The following GIPC2 variants were observed in gnomAD, a reference collection of about 807,000 sequenced individuals.
The protein encoded by GIPC2 is PDZ domain-containing protein GIPC2.
GIPC2 carries 30 observed loss-of-function variants against 30.6 expected under a neutral mutation model. The ratio of observed to expected loss-of-function variants is 0.98; its 90% CI spans 0.73 to 1.33. The LOEUF (loss-of-function observed/expected upper bound fraction) is 1.33. Among genes scored for constraint, GIPC2 ranks in the 40% most tolerant of loss-of-function variants. GIPC2 has a pLI of 0.00. For synonymous variants in GIPC2, 167 were observed against 150.0 expected (o/e 1.11, Z -0.83); for missense variants, 414 against 390.3 (o/e 1.06, Z -0.51).
At chr1:78,103,347 G>A (rs889301592) in intron 3 of GIPC2, among the ~76,000 whole-genome samples, 60 of 152,196 alleles carry the variant, frequency 3.9e-4, no homozygotes, top group Admixed American at 3.3e-3. Flanking sequence ...CTTTTAAACT[G>A]TGTGATTTGG....
upstream of GIPC2, chr1:78,045,954 C>T: frequency 7.3e-7 from 1 of 1,370,824 alleles, no homozygotes; most frequent in African/African-American, 1.5e-5. Flanking sequence ...GGGGCCCTGA[C>T]CCGACGCAGC....
intron 5 of GIPC2, among the ~76,000 whole-genome samples, chr1:78,133,691 T>C (rs962155601): frequency 2.0e-5 from 3 of 151,818 alleles, no homozygotes; most frequent in African/African-American, 7.3e-5. Flanking sequence ...TTCTGTAGAT[T>C]AGACTGCCAC....
intron 3 of GIPC2, among the ~76,000 whole-genome samples, chr1:78,110,763 C>G (rs761923164): frequency 1.1e-3 from 175 of 152,194 alleles, no homozygotes; most frequent in Non-Finnish European, 2.1e-3. Flanking sequence ...GCTGTCTTTA[C>G]CTGTGATGGT....
At chr1:78,046,761 G>A (rs1413527777) in intron 1 of GIPC2, among the ~76,000 whole-genome samples, 1 of 152,082 alleles carries the variant, frequency 6.6e-6, no homozygotes, top group African/African-American at 2.4e-5. Context: ...AGTCACGCAG[G>A]TCATCTCCCT....
At chr1:78,081,176 G>T (rs1046296346) in intron 2 of GIPC2, among the ~76,000 whole-genome samples, 4 of 134,176 alleles carry the variant, frequency 3.0e-5, no homozygotes, top group African/African-American at 1.1e-4. Context: ...TGAATTTCTG[G>T]CTTATTTCCA....
At chr1:78,087,329 A>G (rs559640914) in intron 2 of GIPC2, among the ~76,000 whole-genome samples, 1 of 152,316 alleles carries the variant, frequency 6.6e-6, no homozygotes, top group African/African-American at 2.4e-5. Context: ...GAGGCATCAT[A>G]TTACCCGACT....
chr1:78,054,548 T>C (rs1340086513), intron 1 of GIPC2, among the ~76,000 whole-genome samples: 1 of 152,244 alleles, frequency 6.6e-6, no homozygotes, highest in Non-Finnish European at 1.5e-5. Context: ...ATTCATTCTC[T>C]GTATTTTCTT....
chr1:78,128,067 T>A (rs1241594342), intron 5 of GIPC2, among the ~76,000 whole-genome samples: 2 of 152,230 alleles, frequency 1.3e-5, no homozygotes, highest in African/African-American at 4.8e-5. Flanking sequence ...TGGTAGTTTG[T>A]TCCTTGCTCC....
chr1:78,096,815 TG>T lies in GIPC2; in HGVS notation c.607+1685del, dbSNP rs543922871. On this transcript the variant is annotated intron_variant, in intron 3 of 5. Coordinates refer to ENST00000370759, the MANE Select transcript of GIPC2 (RefSeq NM_017655.6). The stretch of plus-strand genomic sequence containing the variant: ...TATATTATTTGAGCATCCTGAATTC[TG>T]GTAGGGCTGTTGGTTAGAACATCCA... Among the ~76,000 whole-genome samples, 36 of 152,330 alleles carry T rather than the reference TG, an allele frequency of 2.4e-4. 1 individual carries two copies. In the South Asian group the frequency reaches 7.0e-3, roughly 30 times the overall value.
Position 78,080,655 on chromosome 1 carries a change from C to T in GIPC2, c.241-20C>T. On this transcript the variant is annotated intron_variant, in intron 1 of 5. Transcript: ENST00000370759. ...GTATTCCAAGTGGAAATGGACCTGA[C>T]ATTTTATTTTTCTTTGCAGATCTTA... 1 of 1,472,770 alleles carries T rather than the reference C, an allele frequency of 6.8e-7. No individual in the cohort carries two copies. Among genetic ancestry groups the T allele is most frequent in the Non-Finnish European group, 9.4e-7 (1 of 1,068,480 alleles). 91.2% of individuals were successfully genotyped at this position (1,472,770 alleles called of 1,614,324 possible).
chr1:78,070,524 G>T (rs1397320801), intron 1 of GIPC2, among the ~76,000 whole-genome samples: 1 of 149,238 alleles, frequency 6.7e-6, no homozygotes, highest in Non-Finnish European at 1.5e-5. Flanking sequence ...GGGAGAGGAT[G>T]ATATATATAT....
chr1:78,097,498 C>A (rs1662159560), intron 3 of GIPC2, among the ~76,000 whole-genome samples: 1 of 152,192 alleles, frequency 6.6e-6, no homozygotes, highest in South Asian at 2.1e-4. Context: ...TATCCCAAAA[C>A]ACAAGAGGAA....
At chr1:78,045,355 C>G (rs1034444224), upstream of GIPC2, among the ~76,000 whole-genome samples, 1 of 152,178 alleles carries the variant, frequency 6.6e-6, no homozygotes, top group African/African-American at 2.4e-5. Context: ...TGAGGGAACT[C>G]ACACTTCACA....
Position 78,137,662 on chromosome 1 carries a change from A to G in GIPC2, c.*1919A>G, listed in dbSNP as rs1323671254. The G allele has an allele frequency of 6.6e-6, 1 of 152,208 alleles. No homozygotes were observed. Among genetic ancestry groups the G allele is most frequent in the Non-Finnish European group, 1.5e-5 (1 of 68,032 alleles). 9.4% of individuals were successfully genotyped at this position (152,208 alleles called of 1,614,324 possible). On this transcript the variant is annotated 3_prime_UTR_variant, in exon 6 of 6. Coordinates refer to ENST00000370759, the MANE Select transcript of GIPC2 (RefSeq NM_017655.6). The stretch of plus-strand genomic sequence containing the variant: ...CCATTATCATTACTATCATCACATT[A>G]CCTGGGCTTCAACTGGGCCCAAGTA...
intron 1 of GIPC2, among the ~76,000 whole-genome samples, chr1:78,062,377 C>A (rs1187820390): frequency 6.6e-6 from 1 of 152,098 alleles, no homozygotes. Flanking sequence ...TATTTCCTTC[C>A]TTCTTCTGTG....
At chr1:78,129,995 C>T (rs1361021976) in intron 5 of GIPC2, among the ~76,000 whole-genome samples, 1 of 151,014 alleles carries the variant, frequency 6.6e-6, no homozygotes, top group South Asian at 2.1e-4. Context: ...AAAAATTTTA[C>T]TACTTTGCTT....
chr1:78,076,977 C>T (rs1450715389), intron 1 of GIPC2, among the ~76,000 whole-genome samples: 5 of 151,694 alleles, frequency 3.3e-5, no homozygotes, highest in African/African-American at 9.7e-5. Flanking sequence ...ACCATGTTGG[C>T]CAGGCTAGTC....
Position 78,095,126 on chromosome 1 carries a change from G to A in GIPC2, c.601G>A (p.Ala201Thr), listed in dbSNP as rs1041388696. ...TATGAAGTTAATAGAACCTAAGAAGGCATTTGGTAAGTCAGGGGTTGGTGG... is the reference window on the plus strand; with the variant it reads ...TATGAAGTTAATAGAACCTAAGAAGACATTTGGTAAGTCAGGGGTTGGTGG... ...FTMKLIEPKK[A>T]FEIELRSKAG... The change falls in exon 3 of 6, where the codon GCA becomes ACA. Residue 201 changes from alanine (A) to threonine (T), a missense_variant. Ala to Thr is a moderately conservative substitution (Grantham distance 58). Transcript: ENST00000370759. The A allele has an allele frequency of 6.2e-7, 1 of 1,609,706 alleles. No homozygotes were observed. Among genetic ancestry groups the A allele is most frequent in the African/African-American group, 1.3e-5 (1 of 74,856 alleles).
At chr1:78,116,142 G>A (rs1208488797) in intron 3 of GIPC2, among the ~76,000 whole-genome samples, 1 of 152,208 alleles carries the variant, frequency 6.6e-6, no homozygotes. Flanking sequence ...ACAGACGAAA[G>A]AGAGCATGCA....
Sources: allele counts gnomAD v4.1 joint callset (sites outside exome capture counted in the v4.1 genomes callset), GRCh38; gene constraint gnomAD v4.1.1; transcripts MANE v1.5; gene names NCBI Gene and HGNC (gene_info 2026-07-23, HGNC 2026-07-21).